The following JADE3 variants were observed in gnomAD, a reference collection of about 807,000 sequenced individuals.
The protein encoded by JADE3 is protein Jade-3.
JADE3 carries 2 observed loss-of-function variants against 50.1 expected under a neutral mutation model. The ratio of observed to expected loss-of-function variants is 0.04; its 90% CI spans 0.02 to 0.13. The LOEUF (loss-of-function observed/expected upper bound fraction) is 0.13, where lower values mean the gene tolerates loss of function less well. Ranked by LOEUF, JADE3 falls within the 10% of genes least tolerant of loss-of-function variation. The probability of loss-of-function intolerance (pLI) is 1.00; values close to 1 mark genes in which losing one functional copy is unlikely to be tolerated. For missense variants in JADE3, 475 were observed against 634.4 expected (o/e 0.75, Z 2.70); for synonymous variants, 218 against 232.9 (o/e 0.94, Z 0.58).
intron 7 of JADE3, among the ~76,000 whole-genome samples, chrX:47,034,770 T>C (rs1198908742): frequency 9.4e-6 from 1 of 105,985 alleles, no homozygotes; most frequent in Admixed American, 1.0e-4. Context: ...TGGCTAATTT[T>C]TTTTTTTTTT....
chrX:47,014,483 A>C (rs781834933), intron 4 of JADE3, among the ~76,000 whole-genome samples: 13 of 111,935 alleles, frequency 1.2e-4, no homozygotes, highest in African/African-American at 4.2e-4. Context: ...TTTTTGTAAA[A>C]CAGCGATTTC....
chrX:46,921,400 G>C (rs1462899432), intron 1 of JADE3, among the ~76,000 whole-genome samples: 1 of 112,027 alleles, frequency 8.9e-6, no homozygotes, highest in Non-Finnish European at 1.9e-5. Flanking sequence ...TTCTTTTTCA[G>C]AGTTGTAGTG....
chrX:47,018,474 C>T (rs1928723726), intron 4 of JADE3, among the ~76,000 whole-genome samples: 1 of 110,059 alleles, frequency 9.1e-6, no homozygotes, highest in Admixed American at 9.7e-5. Context: ...GCTGGGACTA[C>T]AGGCACCTGC....
At chrX:47,014,654 G>A (rs1420301432) in intron 4 of JADE3, among the ~76,000 whole-genome samples, 4 of 111,463 alleles carry the variant, frequency 3.6e-5, no homozygotes, top group African/African-American at 6.5e-5. Flanking sequence ...GTAAATTTTT[G>A]AAATCTACAT....
intron 4 of JADE3, among the ~76,000 whole-genome samples, chrX:46,999,406 TATATATAACATATATATAC>T (rs1192106902): frequency 9.6e-5 from 10 of 103,681 alleles, no homozygotes; most frequent in Non-Finnish European, 7.7e-5. Context: ...TTTATATATA[TATATATAACATATATATAC>T]ATATATAACA....
intron 1 of JADE3, among the ~76,000 whole-genome samples, chrX:46,927,188 C>T (rs1414005661): frequency 1.8e-5 from 2 of 111,772 alleles, no homozygotes; most frequent in East Asian, 2.8e-4. Flanking sequence ...TCAGTTTCCT[C>T]GTTTGTAAAA....
intron 3 of JADE3, among the ~76,000 whole-genome samples, chrX:46,997,885 A>C (rs1358127326): frequency 8.9e-6 from 1 of 112,160 alleles, no homozygotes; most frequent in Non-Finnish European, 1.9e-5. Flanking sequence ...TAGAGAACCC[A>C]AGAAAATAAT....
At chrX:46,939,607 C>T (rs1926708265) in intron 1 of JADE3, among the ~76,000 whole-genome samples, 1 of 111,853 alleles carries the variant, frequency 8.9e-6, no homozygotes, top group African/African-American at 3.3e-5. Context: ...TTTTCAGGTA[C>T]TGTTTCCACT....
chrX:46,989,951 T>C (rs1602397736), intron 3 of JADE3, among the ~76,000 whole-genome samples: 2 of 110,870 alleles, frequency 1.8e-5, no homozygotes, highest in South Asian at 7.7e-4. Flanking sequence ...TTCCATCTTC[T>C]GTTTGTTAAT....
intron 4 of JADE3, among the ~76,000 whole-genome samples, chrX:47,010,879 A>G (rs2147143479): frequency 9.0e-6 from 1 of 111,685 alleles, no homozygotes; most frequent in Admixed American, 9.6e-5. Flanking sequence ...CTAGAAATCC[A>G]AGATCAAGGT....
At chrX:47,052,975 G>A (rs1929550493) in intron 8 of JADE3, among the ~76,000 whole-genome samples, 2 of 110,659 alleles carry the variant, frequency 1.8e-5, no homozygotes, top group South Asian at 3.9e-4. Flanking sequence ...AGAATTGCTT[G>A]AACCTGGGAG....
At chrX:46,957,255 A>AGATAGATG (rs1927153277) in intron 1 of JADE3, among the ~76,000 whole-genome samples, 1 of 111,657 alleles carries the variant, frequency 9.0e-6, no homozygotes, top group Non-Finnish European at 1.9e-5. Context: ...ATAGATAGAT[A>AGATAGATG]GATATAAACG....
Position 47,056,169 on chromosome X carries a change from G to A in JADE3, c.1531G>A (p.Val511Ile), listed in dbSNP as rs781830553. ...ACAGGAACAGATCTTCGGTTTGCAA[G>A]TCCAGCTTCTTAACCAAGAAATTGA... is the stretch of plus-strand genomic sequence containing the variant. Reference protein sequence around the residue: ...KIQEQIFGLQVQLLNQEIDAG... With the variant: ...KIQEQIFGLQIQLLNQEIDAG... The change falls in exon 10 of 11, where the codon GTC becomes ATC. Residue 511 changes from valine to isoleucine, a missense_variant. Transcript: ENST00000614628. 5.8e-5 allele frequency: 69 copies of A among 1,193,032 alleles called. No homozygotes were observed. Among genetic ancestry groups the A allele is most frequent in the Non-Finnish European group, 7.6e-5 (67 of 880,237 alleles).
intron 4 of JADE3, among the ~76,000 whole-genome samples, chrX:47,005,111 G>C (rs191943146): frequency 8.9e-6 from 1 of 111,835 alleles, no homozygotes; most frequent in African/African-American, 3.3e-5. Context: ...TGTTCCCAGA[G>C]TTGGTGCTGG....
chrX:46,991,589 G>A (rs1271784425), intron 3 of JADE3, among the ~76,000 whole-genome samples: 1 of 111,292 alleles, frequency 9.0e-6, no homozygotes, highest in Non-Finnish European at 1.9e-5. Flanking sequence ...GGAATTGTTG[G>A]GTCATATAGT....
At chrX:46,988,263 C>T (rs1282516418) in intron 3 of JADE3, among the ~76,000 whole-genome samples, 4 of 110,891 alleles carry the variant, frequency 3.6e-5, no homozygotes, top group Non-Finnish European at 5.7e-5. Flanking sequence ...TCAAGCACGT[C>T]GGGGAAGTAA....
chrX:46,915,133 A>G (rs1293233456), intron 1 of JADE3, among the ~76,000 whole-genome samples: 2 of 111,603 alleles, frequency 1.8e-5, no homozygotes, highest in Non-Finnish European at 3.8e-5. Flanking sequence ...GAACTAGGCA[A>G]GTATTTTGGA....
At chrX:46,948,863 A>G (rs922291802) in intron 1 of JADE3, among the ~76,000 whole-genome samples, 4 of 111,844 alleles carry the variant, frequency 3.6e-5, no homozygotes, top group Non-Finnish European at 5.6e-5. Context: ...TTCTGTCACT[A>G]TAGACTAATG....
At chrX:46,923,753 A>G (rs1926295824) in intron 1 of JADE3, among the ~76,000 whole-genome samples, 1 of 110,250 alleles carries the variant, frequency 9.1e-6, no homozygotes, top group Admixed American at 9.6e-5. Context: ...TGATACATTC[A>G]TTTTGACTCT....
Sources: allele counts gnomAD v4.1 joint callset (sites outside exome capture counted in the v4.1 genomes callset), GRCh38; gene constraint gnomAD v4.1.1; transcripts MANE v1.5; gene names NCBI Gene and HGNC (gene_info 2026-07-23, HGNC 2026-07-21).